GRK5: variants seen among roughly 807,000 people sequenced by gnomAD.
GRK5 encodes the protein G protein-coupled receptor kinase 5, also known as g protein-coupled receptor kinase GRK5.
GRK5 carries 40 observed loss-of-function variants against 78.4 expected under a neutral mutation model. The observed-to-expected ratio is 0.51, with a 90% confidence interval of 0.40 to 0.66. The LOEUF (loss-of-function observed/expected upper bound fraction) is 0.66, where lower values mean the gene tolerates loss of function less well. Ranked by LOEUF, GRK5 falls within the 30% of genes least tolerant of loss-of-function variation. GRK5 has a pLI of 0.00. For missense variants in GRK5, 598 were observed against 759.9 expected (o/e 0.79, Z 2.50); for synonymous variants, 289 against 296.8 (o/e 0.97, Z 0.27).
At chr10:119,236,356 C>G (rs541790664) in intron 1 of GRK5, among the ~76,000 whole-genome samples, 1 of 152,154 alleles carries the variant, frequency 6.6e-6, no homozygotes, top group South Asian at 2.1e-4. Flanking sequence ...GCTGGGACTA[C>G]AGGCGCCCGC....
rs1200619101 is a variant in GRK5 at position 119,378,868 on chromosome 10, G to A, written c.149-1947G>A. Among the ~76,000 whole-genome samples the A allele has an allele frequency of 6.6e-6, 1 of 152,234 alleles. No homozygotes were observed. The highest frequency in any genetic ancestry group is 1.5e-5 in the Non-Finnish European group (1 of 68,032). Reference sequence around the variant, plus strand: ...ACCTGATTGGCTAGAACTGAGGCATGGCCACCCTTGAACCTGTCATTATGG... The same window carrying A: ...ACCTGATTGGCTAGAACTGAGGCATAGCCACCCTTGAACCTGTCATTATGG... On this transcript the variant is annotated intron_variant, in intron 2 of 15. Coordinates refer to ENST00000392870, the MANE Select transcript of GRK5 (RefSeq NM_005308.3). This position sits in a 1 kb window ranked among gnomAD's most constrained non-coding sequence, Gnocchi z 4.5.
chr10:119,389,751 C>A (rs1328417456), intron 3 of GRK5, among the ~76,000 whole-genome samples: 1 of 151,880 alleles, frequency 6.6e-6, no homozygotes, highest in Non-Finnish European at 1.5e-5. Flanking sequence ...CTGTGGACTG[C>A]CATGTTTCCT....
chr10:119,444,931 C>A (rs749811698), intron 12 of GRK5, among the ~76,000 whole-genome samples: 4 of 152,224 alleles, frequency 2.6e-5, no homozygotes, highest in Non-Finnish European at 5.9e-5. Context: ...AGATCTGCGC[C>A]GCAAGCGGCC....
intron 3 of GRK5, among the ~76,000 whole-genome samples, chr10:119,387,455 C>T (rs1055559377): frequency 6.6e-6 from 1 of 152,158 alleles, no homozygotes; most frequent in Non-Finnish European, 1.5e-5. Flanking sequence ...TGTTGGTTAT[C>T]AAGGGTCTTC....
chr10:119,443,162 TTTG>T (rs1853072290), intron 11 of GRK5, among the ~76,000 whole-genome samples: 1 of 152,220 alleles, frequency 6.6e-6, no homozygotes, highest in South Asian at 2.1e-4. Flanking sequence ...CAAGAGATTG[TTTG>T]AATTACAGAT....
At chr10:119,331,488 C>T (rs1218244706) in intron 2 of GRK5, among the ~76,000 whole-genome samples, 2 of 152,226 alleles carry the variant, frequency 1.3e-5, no homozygotes, top group Non-Finnish European at 2.9e-5. Context: ...TAGACCAATA[C>T]ACAAACCAAA....
chr10:119,261,665 G>A (rs2133655986), intron 1 of GRK5, among the ~76,000 whole-genome samples: 1 of 152,392 alleles, frequency 6.6e-6, no homozygotes, highest in Admixed American at 6.5e-5. Context: ...GGGAGGCCGA[G>A]GCTGGCGGAT....
rs117465202 is a variant in GRK5, at chr10:119,360,351, C to T, written c.149-20464C>T. ...TTTAGTTGTGCCTTGGAATGGCACA[C>T]GGGGCTGGGTGGGATTCTGGAGGCG... On this transcript the variant is annotated intron_variant, in intron 2 of 15. Transcript: ENST00000392870. Among the ~76,000 whole-genome samples the T allele has an allele frequency of 5.8e-4, 89 of 152,268 alleles. No homozygotes were observed. The East Asian group carries it at 0.011, about 18-fold the overall frequency.
chr10:119,369,017 C>T (rs548064154), intron 2 of GRK5, among the ~76,000 whole-genome samples: 1 of 152,192 alleles, frequency 6.6e-6, no homozygotes, highest in South Asian at 2.1e-4. Context: ...TTCAATCATT[C>T]ATTCATTTTA....
At chr10:119,313,091 G>GGTA (rs1850408232) in intron 1 of GRK5, among the ~76,000 whole-genome samples, 2 of 149,990 alleles carry the variant, frequency 1.3e-5, no homozygotes, top group African/African-American at 4.9e-5. Flanking sequence ...TGGTGGTGAT[G>GGTA]GTGGTGATGG....
At chr10:119,302,342 G>C (rs7080426) in intron 1 of GRK5, among the ~76,000 whole-genome samples, 295 of 152,346 alleles carry the variant, frequency 1.9e-3, no homozygotes, top group African/African-American at 6.9e-3. Context: ...CCTGCTTCCT[G>C]GGTGATGCTA....
At chr10:119,381,648 C>T (rs1343725967) in intron 3 of GRK5, among the ~76,000 whole-genome samples, 3 of 152,206 alleles carry the variant, frequency 2.0e-5, no homozygotes, top group East Asian at 1.9e-4. Flanking sequence ...CTGGGCACCT[C>T]GGTTCAGCCA....
intron 2 of GRK5, among the ~76,000 whole-genome samples, chr10:119,359,090 C>T (rs1328326711): frequency 1.3e-5 from 2 of 152,184 alleles, no homozygotes; most frequent in East Asian, 3.8e-4. Flanking sequence ...GTTCATAACA[C>T]ACCCTGAGCC....
chr10:119,256,285 A>C (rs575915205), intron 1 of GRK5, among the ~76,000 whole-genome samples: 32 of 151,990 alleles, frequency 2.1e-4, no homozygotes, highest in South Asian at 4.2e-4. Context: ...GGACCCCCCC[A>C]CACACCTCAC....
In GRK5 at chr10:119,431,302, G is replaced by A; in HGVS notation, c.598-85G>A. 6.8e-7 allele frequency: 1 copy of A among 1,473,418 alleles called. No homozygotes were observed. The allele number at this position is 1,473,418 out of a possible 1,614,324, so 91.3% of individuals were successfully genotyped here. A position where few individuals can be genotyped will look rare whatever the true frequency, so the allele number is the denominator to read the frequency against. ...TCTGACCCCATCCATTCTCTACCTG[G>A]GAGGCCTGTGGTCCCCGCCCTGGAG... is the stretch of plus-strand genomic sequence containing the variant. On this transcript the variant is annotated intron_variant, in intron 7 of 15. Coordinates refer to ENST00000392870, the MANE Select transcript of GRK5 (RefSeq NM_005308.3). This position sits in a 1 kb window ranked among gnomAD's most constrained non-coding sequence, Gnocchi z 4.8.
chr10:119,251,139 A>C (rs1434413431), intron 1 of GRK5, among the ~76,000 whole-genome samples: 1 of 152,078 alleles, frequency 6.6e-6, no homozygotes, highest in Non-Finnish European at 1.5e-5. Context: ...AAGAAACAAC[A>C]ACAAAACGCT....
chr10:119,207,897 G>T lies in GRK5; in HGVS notation c.-21G>T. 6.3e-7 allele frequency: 1 copy of T among 1,591,624 alleles called. No homozygotes were observed. The highest frequency in any genetic ancestry group is 2.3e-5 in the East Asian group (1 of 42,808). ...GCTGACAGCCCCGCCGGCCGGCTCC[G>T]TTGCTGACCGCCGACTGTCAATGGA... On this transcript the variant is annotated 5_prime_UTR_variant, in exon 1 of 16. Coordinates refer to ENST00000392870, the MANE Select transcript of GRK5 (RefSeq NM_005308.3).
rs115325490 is a variant in GRK5 at position 119,314,423 on chromosome 10, A to C, written c.53-12093A>C. ...CCTCATGTGAAAAGAGCCAGTCCCC[A>C]CCAAGTGGTGAAGCTGGTGGTGCCA... On this transcript the variant is annotated intron_variant, in intron 1 of 15. Coordinates refer to ENST00000392870, the MANE Select transcript of GRK5 (RefSeq NM_005308.3). Among the ~76,000 whole-genome samples, 985 of 152,260 alleles carry C rather than the reference A, an allele frequency of 6.5e-3. 17 individuals carry two copies. Among genetic ancestry groups the C allele is most frequent in the African/African-American group, 0.023 (950 of 41,536 alleles).
At chr10:119,354,301 T>C (rs1851231011) in intron 2 of GRK5, among the ~76,000 whole-genome samples, 1 of 151,914 alleles carries the variant, frequency 6.6e-6, no homozygotes, top group Non-Finnish European at 1.5e-5. Flanking sequence ...CAGTGTACAG[T>C]ACGATATTAT....
Sources: gnomAD v4.1 joint callset for allele counts (sites outside exome capture counted in the v4.1 genomes callset) on GRCh38, gnomAD v4.1.1 for gene constraint, Gnocchi (gnomAD v3.1) non-coding constraint, MANE v1.5 for transcripts, NCBI Gene and HGNC (gene_info 2026-07-23, HGNC 2026-07-21) for gene names.